Variants in EPS15 observed in about 807,000 individuals in gnomAD.
EPS15 encodes epidermal growth factor receptor substrate 15.
Under a neutral mutation model 113.8 loss-of-function variants are expected in EPS15, and 72 were observed. The ratio of observed to expected loss-of-function variants is 0.63; its 90% confidence interval spans 0.52 to 0.77. The LOEUF is 0.77. Ranked by LOEUF, EPS15 falls within the 30% of genes least tolerant of loss-of-function variation. The pLI is 0.00. For missense variants in EPS15, 1,048 were observed against 1,045.8 expected (o/e 1.00, Z -0.03); for synonymous variants, 344 against 363.4 (o/e 0.95, Z 0.61).
At chr1:51,510,205 G>GCA (rs976964097) in intron 1 of EPS15, among the ~76,000 whole-genome samples, 20 of 151,840 alleles carry the variant, frequency 1.3e-4, no homozygotes, top group African/African-American at 4.6e-4. Flanking sequence ...ACAAACACAC[G>GCA]CACACACACA....
intron 12 of EPS15, among the ~76,000 whole-genome samples, chr1:51,434,548 C>T (rs1018001684): frequency 2.4e-4 from 36 of 151,710 alleles, no homozygotes; most frequent in African/African-American, 8.5e-4. Flanking sequence ...TGAGGAAGGG[C>T]GGGGAAAATG....
In EPS15 at chr1:51,519,193, C is replaced by T; in HGVS notation, c.33+6G>A. On this transcript the variant is annotated splice_donor_region_variant and intron_variant, in intron 1 of 24. Coordinates refer to ENST00000371733, the MANE Select transcript of EPS15 (RefSeq NM_001981.3). Reference sequence around the variant, plus strand: ...CCAAGCCCGGCGGACGGGCGTGTGGCGTTACCTGTGTCAGAGAGAGCTGGG... The same window carrying T: ...CCAAGCCCGGCGGACGGGCGTGTGGTGTTACCTGTGTCAGAGAGAGCTGGG... 1.4e-6 allele frequency: 2 copies of T among 1,422,672 alleles called. No homozygotes were observed. The highest frequency in any genetic ancestry group is 1.9e-6 in the Non-Finnish European group (2 of 1,076,256). The allele number at this position is 1,422,672 out of a possible 1,614,324, so 88.1% of individuals were successfully genotyped here.
At chr1:51,446,339 T>C (rs1356290943) in intron 10 of EPS15, among the ~76,000 whole-genome samples, 4 of 152,364 alleles carry the variant, frequency 2.6e-5, no homozygotes, top group Middle Eastern at 3.4e-3. Context: ...GATACTGTTT[T>C]TTACATTGTT....
chr1:51,471,544 G>A, intron 4 of EPS15, 146 bp downstream of exon 4: 2 of 643,736 alleles, frequency 3.1e-6, no homozygotes, highest in South Asian at 1.9e-5. Context: ...CTAGTGATTG[G>A]AAATACTTTG....
chr1:51,458,563 G>A (rs1654191959), intron 8 of EPS15: 4 of 443,692 alleles, frequency 9.0e-6, no homozygotes, highest in South Asian at 3.1e-5. Flanking sequence ...ACGGCGAAAC[G>A]CTGTCTCTAC....
Position 51,361,450 on chromosome 1 carries a change from T to G in EPS15, c.2360-95A>C, listed in dbSNP as rs1460768784. 14 of 911,776 alleles carry G rather than the reference T, an allele frequency of 1.5e-5. No individual in the cohort carries two copies. In the East Asian group the frequency reaches 3.2e-4, roughly 21 times the overall value. The allele number at this position is 911,776 out of a possible 1,614,324, so 56.5% of individuals were successfully genotyped here. ...ACAGATAGCATTAAAGTACTGTGGG[T>G]AGAGGATGATTGAGTACCTAAAACA... On this transcript the variant is annotated intron_variant, in intron 23 of 24. Coordinates refer to ENST00000371733, the MANE Select transcript of EPS15 (RefSeq NM_001981.3).
chr1:51,473,558 C>T (rs1379214752), intron 2 of EPS15, among the ~76,000 whole-genome samples: 5 of 151,814 alleles, frequency 3.3e-5, no homozygotes, highest in African/African-American at 1.2e-4. Context: ...TCCTTTAAGA[C>T]AGAATGAGGT....
intron 20 of EPS15, among the ~76,000 whole-genome samples, chr1:51,398,325 T>C (rs992598240): frequency 2.0e-5 from 3 of 152,104 alleles, no homozygotes; most frequent in African/African-American, 7.2e-5. Flanking sequence ...AGTGCTGGGA[T>C]TACAGGCGTG....
intron 21 of EPS15, among the ~76,000 whole-genome samples, chr1:51,376,899 C>T (rs190153698): frequency 2.8e-4 from 42 of 152,256 alleles, no homozygotes; most frequent in African/African-American, 9.4e-4. Flanking sequence ...GACAGCCATT[C>T]CTCTGATGGA....
intron 21 of EPS15, among the ~76,000 whole-genome samples, chr1:51,381,294 A>G (rs1483688877): frequency 6.6e-6 from 1 of 152,240 alleles, no homozygotes; most frequent in African/African-American, 2.4e-5. Context: ...AATTGAAATC[A>G]TAAAAATATC....
rs150744850 is a variant in EPS15, at chr1:51,452,136, C to T, written c.562-4001G>A. Among the ~76,000 whole-genome samples the T allele has an allele frequency of 3.7e-3, 565 of 151,988 alleles. 2 individuals carry two copies. Among genetic ancestry groups the T allele is most frequent in the African/African-American group, 0.012 (507 of 41,462 alleles). ...CTGAGCTCAAGCGATCCACCCACCC[C>T]AGCCTCCCAAAATGCTGGGATTACA... is the stretch of plus-strand genomic sequence containing the variant. On this transcript the variant is annotated intron_variant, in intron 8 of 24. Coordinates refer to ENST00000371733, the MANE Select transcript of EPS15 (RefSeq NM_001981.3).
At chr1:51,516,760 T>C (rs972706169) in intron 1 of EPS15, among the ~76,000 whole-genome samples, 1 of 152,198 alleles carries the variant, frequency 6.6e-6, no homozygotes, top group Non-Finnish European at 1.5e-5. Flanking sequence ...CATCAACATA[T>C]GAACAGAAGC....
chr1:51,519,266 C>G lies in EPS15; in HGVS notation c.-35G>C. 1 of 984,092 alleles carries G rather than the reference C, an allele frequency of 1.0e-6. No homozygotes were observed. Among genetic ancestry groups the G allele is most frequent in the Non-Finnish European group, 1.2e-6 (1 of 800,674 alleles). The allele number at this position is 984,092 out of a possible 1,614,324, so 61.0% of individuals were successfully genotyped here. ...ATCATGCAAGGGAGGGGAAGGAAGA[C>G]GGGCTGACTGGGGCTCGGGGCGGGG... On this transcript the variant is annotated 5_prime_UTR_variant, in exon 1 of 25. Transcript: ENST00000371733.
At chr1:51,445,143 G>T in intron 10 of EPS15, 98 bp from the exon 11 acceptor site, 2 of 1,156,178 alleles carry the variant, frequency 1.7e-6, no homozygotes, top group Non-Finnish European at 1.2e-6. Context: ...ATAATGAGGT[G>T]AATTTAAAAA....
chr1:51,440,281 G>GTT, intron 12 of EPS15, 66 bp downstream of exon 12: 1 of 286,460 alleles, frequency 3.5e-6, no homozygotes, highest in Non-Finnish European at 6.7e-6. Context: ...CATGTACTGT[G>GTT]TGTGTGTGTG....
intron 13 of EPS15, among the ~76,000 whole-genome samples, chr1:51,416,960 C>T (rs1211901557): frequency 6.6e-6 from 1 of 151,778 alleles, no homozygotes; most frequent in Non-Finnish European, 1.5e-5. Context: ...CTATTCTTAA[C>T]ATTAAAAATG....
In EPS15 at chr1:51,374,660, T is replaced by C. The variant is rs916731933; in HGVS notation, c.2120-8631A>G. Among the ~76,000 whole-genome samples, 3 of 152,274 alleles carry C rather than the reference T, an allele frequency of 2.0e-5. No individual in the cohort carries two copies. The East Asian group carries it at 5.8e-4, about 29-fold the overall frequency. On this transcript the variant is annotated intron_variant, in intron 21 of 24. Transcript: ENST00000371733. Reference sequence around the variant, plus strand: ...GTAAGAATTCTAAATTTGCTTTCCTTAGTTTTCTTTCACAGTCTGCAATGT... The same window carrying C: ...GTAAGAATTCTAAATTTGCTTTCCTCAGTTTTCTTTCACAGTCTGCAATGT...
At chr1:51,369,157 A>G (rs1276011741) in intron 21 of EPS15, among the ~76,000 whole-genome samples, 1 of 152,240 alleles carries the variant, frequency 6.6e-6, no homozygotes, top group African/African-American at 2.4e-5. Flanking sequence ...ACACTTCTAT[A>G]TGAAGAATAT....
At chr1:51,471,538 T>C in intron 4 of EPS15, 152 bp downstream of exon 4, 7 of 631,002 alleles carry the variant, frequency 1.1e-5, no homozygotes, top group Non-Finnish European at 2.0e-5. Flanking sequence ...TAACATCTAG[T>C]GATTGGAAAT....
Sources: allele counts gnomAD v4.1 joint callset (sites outside exome capture counted in the v4.1 genomes callset), GRCh38; gene constraint gnomAD v4.1.1; transcripts MANE v1.5; gene names NCBI Gene and HGNC (gene_info 2026-07-23, HGNC 2026-07-21).